CD46: variants seen among roughly 807,000 people sequenced by gnomAD.
CD46 encodes CD46 molecule, also known as membrane cofactor protein.
A neutral mutation model predicts 53.3 loss-of-function variants in CD46; 30 were observed. That is an observed-to-expected ratio of 0.56 (90% CI 0.42 to 0.76). The LOEUF is 0.76. Among genes scored for constraint, CD46 ranks in the 30% least tolerant of loss-of-function variants. CD46 has a pLI of 0.00. For missense variants in CD46, 409 were observed against 463.0 expected, an observed-to-expected ratio of 0.88 and a Z score of 1.07; for synonymous variants, 142 against 152.0, an observed-to-expected ratio of 0.93 and a Z score of 0.48.
chr1:207,759,615 G>GTAA, intron 3 of CD46, 24 bp from the exon 4 acceptor site: 3 of 1,282,250 alleles, frequency 2.3e-6, no homozygotes, highest in Non-Finnish European at 3.4e-6. Context: ...ATACAAAACA[G>GTAA]TAACCCTTTC....
intron 6 of CD46, 96 bp downstream of exon 6, chr1:207,767,291 A>C: frequency 9.1e-7 from 1 of 1,096,818 alleles, no homozygotes; most frequent in Non-Finnish European, 1.4e-6. Context: ...GTCATACAAA[A>C]TAACTGAAAA....
chr1:207,759,608 C>G (rs1213991936), intron 3 of CD46, 31 bp from the exon 4 acceptor site: 4 of 1,226,390 alleles, frequency 3.3e-6, no homozygotes, highest in Non-Finnish European at 4.8e-6. Context: ...AATTGCTATA[C>G]AAAACAGTAA....
chr1:207,779,931 T>TTTTTTTTTTTTTTTC, intron 8 of CD46, among the ~76,000 whole-genome samples: 1 of 148,378 alleles, frequency 6.7e-6, no homozygotes, highest in African/African-American at 2.5e-5. Context: ...TTTTTTTTTT[T>TTTTTTTTTTTTTTTC]TACTGTAGTA....
At chr1:207,766,125 G>A (rs931752399) in intron 5 of CD46, among the ~76,000 whole-genome samples, 3 of 152,210 alleles carry the variant, frequency 2.0e-5, no homozygotes, top group African/African-American at 7.2e-5. Context: ...TGGTTAGCTG[G>A]TTGTGGAAGT....
chr1:207,763,849 T>G (rs1282790157), intron 5 of CD46, among the ~76,000 whole-genome samples: 9 of 13,510 alleles, frequency 6.7e-4, no homozygotes, highest in African/African-American at 4.7e-3. Flanking sequence ...GATTTTTTGG[T>G]TTTTTTTTTT....
chr1:207,783,209 T>G, intron 8 of CD46, 83 bp from the exon 9 acceptor site: 1 of 744,442 alleles, frequency 1.3e-6, no homozygotes. Context: ...AAAATCACCC[T>G]ATGAGTTTAA....
rs556672063 is a variant in CD46 at position 207,753,544 on chromosome 1, G to A, written c.97+1235G>A. 3.9e-5 allele frequency among the ~76,000 whole-genome samples: 6 copies of A among 152,274 alleles called. No individual in the cohort carries two copies. The South Asian group carries it at 1.2e-3, about 32-fold the overall frequency. ...AAATTAGCTGGGCATGGTGGTTTAT[G>A]CCCGTGGTCCCAGCTACTCTGGGGG... On this transcript the variant is annotated intron_variant, in intron 1 of 12. Coordinates refer to ENST00000367042, the MANE Select transcript of CD46 (RefSeq NM_172351.3).
Position 207,785,090 on chromosome 1 carries a change from G to T in CD46, c.1002G>T (p.Val334=). 1 of 1,612,994 alleles carries T rather than the reference G, an allele frequency of 6.2e-7. No individual in the cohort carries two copies. Among genetic ancestry groups the T allele is most frequent in the South Asian group, 1.1e-5 (1 of 90,996 alleles). Residue 334 remains valine, a synonymous_variant, in exon 10 of 13, where the codon GTG becomes GTT. Transcript: ENST00000367042. ...TCTCAGATGTTTGGGTCATTGCTGT[G>T]ATTGTTATTGCCATAGGTAAGTATC... The part of the protein sequence containing the change: ...LDSLDVWVIA[V]IVIAIVVGVA...
At chr1:207,763,847 G>GTT (rs1656522417) in intron 5 of CD46, among the ~76,000 whole-genome samples, 11 of 63,028 alleles carry the variant, frequency 1.7e-4, no homozygotes, top group East Asian at 1.2e-3. Context: ...ATGATTTTTT[G>GTT]GTTTTTTTTT....
intron 11 of CD46, among the ~76,000 whole-genome samples, chr1:207,787,503 G>A (rs1171361107): frequency 6.6e-6 from 1 of 152,002 alleles, no homozygotes; most frequent in African/African-American, 2.4e-5. Context: ...ATATTTTACA[G>A]CATAGGGTCC....
intron 8 of CD46, among the ~76,000 whole-genome samples, chr1:207,776,338 G>A (rs999234955): frequency 5.9e-5 from 9 of 152,290 alleles, no homozygotes; most frequent in Middle Eastern, 3.4e-3. Flanking sequence ...CGGGTGAGGC[G>A]ATGCCCCGCC....
At chr1:207,788,390 C>A (rs1393561627) in intron 11 of CD46, among the ~76,000 whole-genome samples, 1 of 147,916 alleles carries the variant, frequency 6.8e-6, no homozygotes, top group Admixed American at 6.7e-5. Context: ...TAGTGGCGGG[C>A]GCCTGTAGTC....
At chr1:207,770,111 A>C in intron 7 of CD46, 1 of 550,650 alleles carries the variant, frequency 1.8e-6, no homozygotes. Flanking sequence ...TCCATTATAA[A>C]ATACAGAGTG....
intron 1 of CD46, among the ~76,000 whole-genome samples, chr1:207,754,170 A>G (rs1655247821): frequency 6.6e-6 from 1 of 152,246 alleles, no homozygotes. Context: ...CAAGCAGTAT[A>G]ATTTTCAGAT....
At position 207,795,261 on chromosome 1, in the gene CD46, TTTATA is replaced by T. The variant is rs1322438198; in HGVS notation, c.*1788_*1792del. 1.3e-5 allele frequency: 2 copies of T among 152,148 alleles called. No individual in the cohort carries two copies. Among genetic ancestry groups the T allele is most frequent in the Non-Finnish European group, 2.9e-5 (2 of 68,032 alleles). 9.4% of individuals were successfully genotyped at this position (152,148 alleles called of 1,614,324 possible). ...ACATTTGATTTTTTCAAATTTAATA[TTTATA>T]TTAGAGATCTATATATGTATAAATA... On this transcript the variant is annotated 3_prime_UTR_variant, in exon 13 of 13. Coordinates refer to ENST00000367042, the MANE Select transcript of CD46 (RefSeq NM_172351.3).
chr1:207,790,650 C>T (rs1269271312), intron 12 of CD46, among the ~76,000 whole-genome samples: 1 of 152,150 alleles, frequency 6.6e-6, no homozygotes, highest in African/African-American at 2.4e-5. Flanking sequence ...AATTTGTGAG[C>T]CAACTGGGAA....
Position 207,793,581 on chromosome 1 carries a change from A to G in CD46, c.*104A>G, listed in dbSNP as rs1313299358. 6.2e-7 allele frequency: 1 copy of G among 1,613,858 alleles called. No individual in the cohort carries two copies. Among genetic ancestry groups the G allele is most frequent in the Admixed American group, 1.7e-5 (1 of 60,026 alleles). On this transcript the variant is annotated 3_prime_UTR_variant, in exon 13 of 13. Coordinates refer to ENST00000367042, the MANE Select transcript of CD46 (RefSeq NM_172351.3). ...ACTAAATCAACCACTCCAGCAGAGC[A>G]GAGAGGCTGAATAGATTCCACAACC... is the stretch of plus-strand genomic sequence containing the variant.
intron 12 of CD46, among the ~76,000 whole-genome samples, chr1:207,790,697 G>GA (rs1392273784): frequency 6.6e-6 from 1 of 152,152 alleles, no homozygotes; most frequent in Non-Finnish European, 1.5e-5. Flanking sequence ...GTGCAAGGAG[G>GA]AAAAATGCCC....
At chr1:207,757,740 T>A in intron 3 of CD46, 98 bp downstream of exon 3, 1 of 801,618 alleles carries the variant, frequency 1.2e-6, no homozygotes, top group Non-Finnish European at 2.1e-6. Flanking sequence ...TTTTGCTTTC[T>A]ATGTGACAAG....
Sources: allele counts gnomAD v4.1 joint callset (sites outside exome capture counted in the v4.1 genomes callset), GRCh38; gene constraint gnomAD v4.1.1; transcripts MANE v1.5; gene names NCBI Gene and HGNC (gene_info 2026-07-23, HGNC 2026-07-21).